NELL1: variants seen among roughly 807,000 people sequenced by gnomAD.
The protein encoded by NELL1 is protein kinase C-binding protein NELL1.
In NELL1, 76 loss-of-function variants were observed where a neutral mutation model predicts 107.4. The observed-to-expected ratio is 0.71, with a 90% CI of 0.59 to 0.86. The LOEUF is 0.86. Ranked by LOEUF, NELL1 falls within the 40% of genes least tolerant of loss-of-function variation. The pLI, the probability that NELL1 is intolerant of heterozygous loss-of-function variation, is 0.00. For missense variants in NELL1, 1,024 were observed against 1,005.5 expected (o/e 1.02, Z -0.25); for synonymous variants, 353 against 341.2 (o/e 1.03, Z -0.38).
chr11:21,552,926 A>C (rs922352200), intron 16 of NELL1, among the ~76,000 whole-genome samples: 3 of 151,840 alleles, frequency 2.0e-5, no homozygotes, highest in African/African-American at 7.2e-5. Flanking sequence ...TGGAACTACA[A>C]TACACAGGGC....
intron 12 of NELL1, chr11:21,000,816 G>T (rs996635580): frequency 2.3e-4 from 35 of 152,170 alleles, no homozygotes; most frequent in African/African-American, 8.2e-4. Context: ...CAGAATAGCA[G>T]GTGGACACTC....
At chr11:20,955,289 C>T (rs1371960139) in intron 11 of NELL1, among the ~76,000 whole-genome samples, 1 of 152,186 alleles carries the variant, frequency 6.6e-6, no homozygotes, top group Admixed American at 6.5e-5. Flanking sequence ...CACCAGTTAA[C>T]AGGTCATAAG....
At chr11:21,264,669 A>C (rs1848602413) in intron 14 of NELL1, among the ~76,000 whole-genome samples, 1 of 151,824 alleles carries the variant, frequency 6.6e-6, no homozygotes, top group African/African-American at 2.4e-5. Context: ...ATAGCAGACT[A>C]TGAATTTGGG....
At chr11:21,442,366 G>A (rs1292954599) in intron 15 of NELL1, among the ~76,000 whole-genome samples, 3 of 151,952 alleles carry the variant, frequency 2.0e-5, no homozygotes, top group African/African-American at 4.8e-5. Context: ...TTATGGTTAC[G>A]TGGTCTCTGT....
chr11:21,451,679 G>A (rs1172019192), intron 15 of NELL1, among the ~76,000 whole-genome samples: 1 of 152,134 alleles, frequency 6.6e-6, no homozygotes, highest in Non-Finnish European at 1.5e-5. Context: ...ATTAAATGTA[G>A]ACTGAAAGAG....
intron 3 of NELL1, among the ~76,000 whole-genome samples, chr11:20,820,125 A>G (rs1857717965): frequency 6.6e-6 from 1 of 152,050 alleles, no homozygotes; most frequent in African/African-American, 2.4e-5. Flanking sequence ...TTCAGTGACA[A>G]CTCTTAATGC....
chr11:21,064,691 G>A (rs962526975), intron 12 of NELL1, among the ~76,000 whole-genome samples: 3 of 152,016 alleles, frequency 2.0e-5, no homozygotes, highest in Admixed American at 2.0e-4. Context: ...GTGGAGGGTG[G>A]GGGGTGGAGA....
chr11:21,386,967 C>T (rs1851761572), intron 15 of NELL1, among the ~76,000 whole-genome samples: 1 of 151,814 alleles, frequency 6.6e-6, no homozygotes, highest in Admixed American at 6.6e-5. Context: ...ATGTATGCCA[C>T]TTAATCTTCA....
At chr11:21,455,909 G>C (rs1402864479) in intron 15 of NELL1, among the ~76,000 whole-genome samples, 1 of 148,272 alleles carries the variant, frequency 6.7e-6, no homozygotes, top group Admixed American at 6.8e-5. Context: ...TTGTTTTTGA[G>C]GTGGAGTCTC....
At position 21,200,537 on chromosome 11, in the gene NELL1, C is replaced by T. The variant is rs556873525; in HGVS notation, c.1427-28795C>T. Among the ~76,000 whole-genome samples, 12 of 152,138 alleles carry T rather than the reference C, an allele frequency of 7.9e-5. No homozygotes were observed. In the East Asian group the frequency reaches 1.5e-3, roughly 20 times the overall value. On this transcript the variant is annotated intron_variant, in intron 13 of 19. Transcript: ENST00000357134. ...CTTTATAGATTCTAGATATTAGCCC[C>T]TCATCAAATGGGTAGATTGCAAAAA...
At chr11:20,757,031 T>G (rs1220050737) in intron 2 of NELL1, among the ~76,000 whole-genome samples, 1 of 152,170 alleles carries the variant, frequency 6.6e-6, no homozygotes, top group Non-Finnish European at 1.5e-5. Flanking sequence ...AGATAGATGT[T>G]GGGGAAGGAT....
At chr11:20,898,566 A>T (rs922491670) in intron 5 of NELL1, among the ~76,000 whole-genome samples, 17 of 151,248 alleles carry the variant, frequency 1.1e-4, no homozygotes, top group African/African-American at 4.2e-4. Flanking sequence ...AACTTAAAGT[A>T]TAATAAAAAA....
chr11:21,391,548 A>T (rs1258392648), intron 15 of NELL1, among the ~76,000 whole-genome samples: 3 of 151,172 alleles, frequency 2.0e-5, no homozygotes, highest in African/African-American at 7.3e-5. Context: ...TTTTATTATT[A>T]TTTTTTTCTT....
At chr11:21,023,491 G>A (rs747503033) in intron 12 of NELL1, among the ~76,000 whole-genome samples, 1 of 151,988 alleles carries the variant, frequency 6.6e-6, no homozygotes, top group African/African-American at 2.4e-5. Context: ...TAATTTGTGT[G>A]TGTGTGTTTA....
At position 20,782,208 on chromosome 11, in the gene NELL1, A is replaced by T. The variant is rs1452822075; in HGVS notation, c.185-1472A>T. ...GCATAGAAGCATTTTTCAAGATGCT[A>T]TCTCTTTTCTCAACACTTGATAAAA... On this transcript the variant is annotated intron_variant, in intron 2 of 19. Transcript: ENST00000357134. Among the ~76,000 whole-genome samples, 6 of 152,288 alleles carry T rather than the reference A, an allele frequency of 3.9e-5. No homozygotes were observed. The East Asian group carries it at 1.2e-3, about 29-fold the overall frequency.
chr11:21,214,392 A>G (rs1456107256), intron 13 of NELL1, among the ~76,000 whole-genome samples: 1 of 152,226 alleles, frequency 6.6e-6, no homozygotes, highest in Non-Finnish European at 1.5e-5. Context: ...GGCAAAAGAC[A>G]TGAACAAATA....
At chr11:20,695,629 ATCATGATGAAT>A (rs1854594653) in intron 2 of NELL1, among the ~76,000 whole-genome samples, 1 of 151,938 alleles carries the variant, frequency 6.6e-6, no homozygotes, top group Non-Finnish European at 1.5e-5. Flanking sequence ...TCCCTACTTG[ATCATGATGAAT>A]TAACTTTTTG....
chr11:21,291,587 C>T (rs879223427), intron 14 of NELL1, among the ~76,000 whole-genome samples: 2 of 152,094 alleles, frequency 1.3e-5, no homozygotes, highest in Non-Finnish European at 2.9e-5. Flanking sequence ...CCAGCATCAT[C>T]CTGATACCAA....
At chr11:21,265,462 C>T (rs958571920) in intron 14 of NELL1, among the ~76,000 whole-genome samples, 3 of 151,976 alleles carry the variant, frequency 2.0e-5, no homozygotes, top group African/African-American at 7.2e-5. Context: ...TGCCATCTGT[C>T]AGCTCTTCTG....
Sources: gnomAD v4.1 joint callset for allele counts (sites outside exome capture counted in the v4.1 genomes callset) on GRCh38, gnomAD v4.1.1 for gene constraint, MANE v1.5 for transcripts, NCBI Gene and HGNC (gene_info 2026-07-23, HGNC 2026-07-21) for gene names.